GRM1: variants seen among roughly 807,000 people sequenced by gnomAD.
GRM1 encodes the protein glutamate metabotropic receptor 1, also known as metabotropic glutamate receptor 1.
GRM1 carries 33 observed loss-of-function variants against 90.9 expected under a neutral mutation model. That is an observed-to-expected ratio of 0.36 (90% CI 0.28 to 0.49). The LOEUF is 0.49. Ranked by LOEUF, GRM1 falls within the 20% of genes least tolerant of loss-of-function variation. GRM1 has a pLI of 0.99. For synonymous variants in GRM1, 700 were observed against 613.2 expected (o/e 1.14, Z -2.09); for missense variants, 1,190 against 1,534.3 (o/e 0.78, Z 3.75).
At chr6:146,191,483 A>C (rs1029759896) in intron 2 of GRM1, among the ~76,000 whole-genome samples, 1 of 152,198 alleles carries the variant, frequency 6.6e-6, no homozygotes, top group African/African-American at 2.4e-5. Flanking sequence ...TTTCTCAGCT[A>C]TCTTTCTTAA....
chr6:146,112,746 C>T (rs1167696764), intron 1 of GRM1, among the ~76,000 whole-genome samples: 1 of 152,136 alleles, frequency 6.6e-6, no homozygotes, highest in Non-Finnish European at 1.5e-5. Context: ...TTAGAGATGC[C>T]TCTTGGGTTT....
At chr6:146,354,822 G>A (rs1562633321) in intron 4 of GRM1, among the ~76,000 whole-genome samples, 1 of 152,100 alleles carries the variant, frequency 6.6e-6, no homozygotes, top group Non-Finnish European at 1.5e-5. Flanking sequence ...GGGGTCAAAG[G>A]AAAAGGGCAG....
intron 2 of GRM1, among the ~76,000 whole-genome samples, chr6:146,224,054 G>A (rs890565719): frequency 6.6e-6 from 1 of 152,042 alleles, no homozygotes; most frequent in African/African-American, 2.4e-5. Flanking sequence ...CAGAAATCCA[G>A]CTGTGTTCCC....
intron 3 of GRM1, among the ~76,000 whole-genome samples, chr6:146,310,395 T>TA (rs1389180101): frequency 7.2e-5 from 11 of 152,320 alleles, no homozygotes; most frequent in African/African-American, 2.4e-4. Flanking sequence ...TTCAGCCCAT[T>TA]AGGTCCTTTG....
chr6:146,389,520 C>T (rs1333816582), intron 6 of GRM1, among the ~76,000 whole-genome samples: 1 of 152,112 alleles, frequency 6.6e-6, no homozygotes, highest in Non-Finnish European at 1.5e-5. Context: ...TTTCTGTCCA[C>T]TGCCAAATGC....
intron 2 of GRM1, among the ~76,000 whole-genome samples, chr6:146,264,544 G>GGTTACATGTGTAGGTTT (rs887515233): frequency 2.6e-5 from 4 of 151,456 alleles, no homozygotes; most frequent in Non-Finnish European, 5.9e-5. Context: ...TAGATTCGGG[G>GGTTACATGTGTAGGTTT]GTTACATGTG....
chr6:146,331,244 G>A (rs1329598772), intron 3 of GRM1, among the ~76,000 whole-genome samples: 2 of 152,174 alleles, frequency 1.3e-5, no homozygotes, highest in Non-Finnish European at 2.9e-5. Context: ...CTGTTTGGTG[G>A]AATGTGCTTG....
At chr6:146,103,201 C>T (rs1171622442) in intron 1 of GRM1, among the ~76,000 whole-genome samples, 1 of 152,154 alleles carries the variant, frequency 6.6e-6, no homozygotes, top group African/African-American at 2.4e-5. Context: ...TATTTGACGG[C>T]ATTGGAAATC....
chr6:146,238,282 A>G (rs1027041871), intron 2 of GRM1, among the ~76,000 whole-genome samples: 5 of 152,188 alleles, frequency 3.3e-5, no homozygotes, highest in African/African-American at 7.2e-5. Flanking sequence ...TATGATAACT[A>G]TAAGCTGACA....
intron 3 of GRM1, among the ~76,000 whole-genome samples, chr6:146,344,376 A>G (rs535398514): frequency 6.6e-6 from 1 of 152,326 alleles, no homozygotes; most frequent in Admixed American, 6.5e-5. Flanking sequence ...TTCTTATTGT[A>G]GAATCTGTAT....
chr6:146,134,338 T>C (rs1176603816), intron 1 of GRM1, among the ~76,000 whole-genome samples: 1 of 152,214 alleles, frequency 6.6e-6, no homozygotes, highest in Non-Finnish European at 1.5e-5. Context: ...ACCTAACACA[T>C]AGAGCTCATT....
intron 2 of GRM1, among the ~76,000 whole-genome samples, chr6:146,160,195 G>T (rs1287892496): frequency 3.9e-5 from 6 of 152,164 alleles, no homozygotes; most frequent in African/African-American, 1.4e-4. Context: ...TACAGAGTTG[G>T]CTAAAGACAA....
intron 1 of GRM1, among the ~76,000 whole-genome samples, chr6:146,043,811 A>ATATAGATATATATATAT (rs1554260501): frequency 6.9e-6 from 1 of 145,592 alleles, no homozygotes; most frequent in South Asian, 2.1e-4. Flanking sequence ...ATATATATAT[A>ATATAGATATATATATAT]AAGGGAAGTG....
intron 3 of GRM1, among the ~76,000 whole-genome samples, chr6:146,328,064 AAAAATG>A (rs1292644918): frequency 6.6e-6 from 1 of 152,152 alleles, no homozygotes; most frequent in Non-Finnish European, 1.5e-5. Context: ...AGCTGCTCAT[AAAAATG>A]AAACATATTT....
intron 3 of GRM1, among the ~76,000 whole-genome samples, chr6:146,320,539 G>A (rs892684869): frequency 2.6e-5 from 4 of 152,038 alleles, no homozygotes; most frequent in African/African-American, 9.7e-5. Flanking sequence ...CAGAAGAAAT[G>A]GTAGCAGCAA....
At chr6:146,261,472 A>G (rs9485068) in intron 2 of GRM1, among the ~76,000 whole-genome samples, 58,887 of 152,016 alleles carry the variant, frequency 0.39, 15,420 homozygotes, top group African/African-American at 0.76. Flanking sequence ...CAATTTCCCA[A>G]AAAATGCTCT....
At chr6:146,330,186 C>G (rs1305049958) in intron 3 of GRM1, among the ~76,000 whole-genome samples, 1 of 152,146 alleles carries the variant, frequency 6.6e-6, no homozygotes, top group African/African-American at 2.4e-5. Context: ...CCCTTTAATT[C>G]CGCTGGCTGG....
intron 5 of GRM1, among the ~76,000 whole-genome samples, chr6:146,384,946 TGAG>T (rs1776447544): frequency 6.6e-6 from 1 of 151,722 alleles, no homozygotes; most frequent in Admixed American, 6.6e-5. Flanking sequence ...AACAGGCAAA[TGAG>T]GCACAAAGAG....
In GRM1 at chr6:146,128,502, G is replaced by A. The variant is rs985448839; in HGVS notation, c.701-30846G>A. On this transcript the variant is annotated intron_variant, in intron 1 of 7. Transcript: ENST00000282753. The stretch of plus-strand genomic sequence containing the variant: ...ATTTCACCAATAATATATTTAAGGT[G>A]TGGAGTTGAGATTTGAACCCATGGC... Among the ~76,000 whole-genome samples the A allele has an allele frequency of 5.4e-4, 82 of 152,140 alleles. 2 individuals are homozygous for A. The highest frequency in any genetic ancestry group is 1.0e-4 in the Non-Finnish European group (7 of 68,032).
Sources: gnomAD v4.1 joint callset for allele counts (sites outside exome capture counted in the v4.1 genomes callset) on GRCh38, gnomAD v4.1.1 for gene constraint, MANE v1.5 for transcripts, NCBI Gene and HGNC (gene_info 2026-07-23, HGNC 2026-07-21) for gene names.